Variants in MCCC1 observed in about 807,000 individuals in gnomAD.
The protein encoded by MCCC1 is methylcrotonyl-CoA carboxylase subunit 1.
In MCCC1, 64 loss-of-function variants were observed where a neutral mutation model predicts 83.8. The ratio of observed to expected loss-of-function variants is 0.76; its 90% CI spans 0.62 to 0.94. The LOEUF (loss-of-function observed/expected upper bound fraction) is 0.94, where lower values mean the gene tolerates loss of function less well. Ranked by LOEUF, MCCC1 falls within the 40% of genes least tolerant of loss-of-function variation. The pLI, the probability that MCCC1 is intolerant of heterozygous loss-of-function variation, is 0.00. For missense variants in MCCC1, 807 were observed against 904.7 expected (o/e 0.89, Z 1.39); for synonymous variants, 322 against 315.4 (o/e 1.02, Z -0.22).
chr3:183,095,726 A>G (rs1423438914), intron 1 of MCCC1, among the ~76,000 whole-genome samples: 1 of 152,174 alleles, frequency 6.6e-6, no homozygotes, highest in Non-Finnish European at 1.5e-5. Flanking sequence ...CGGTGGTATC[A>G]TCCCAGTTGA....
chr3:183,031,491 C>CT (rs66507233), intron 14 of MCCC1, among the ~76,000 whole-genome samples: 37,546 of 72,994 alleles, frequency 0.51, 7,638 homozygotes, highest in Middle Eastern at 0.56. Flanking sequence ...CTTCTGGCAC[C>CT]TTTTTTTTTT....
chr3:183,092,498 A>G lies in MCCC1; in HGVS notation c.184T>C (p.Cys62Arg). ...TTTTTGGCTGTGCGCATCACCCTGC[A>G]GGCAATTTCTCCTCTGTTTGCAATG... The part of the protein sequence containing the change: ...VLIANRGEIA[C>R]RVMRTAKKLG... The change falls in exon 3 of 19, where the codon TGC (cysteine) becomes CGC (arginine). Residue 62 changes from cysteine (C) to arginine (R), a missense_variant. By Grantham distance (180) the Cys-to-Arg change is radical. Transcript: ENST00000265594. The G allele has an allele frequency of 6.2e-7, 1 of 1,614,210 alleles. No homozygotes were observed. The highest frequency in any genetic ancestry group is 1.7e-5 in the Admixed American group (1 of 60,010).
chr3:183,083,665 T>C (rs1294919700), intron 4 of MCCC1, among the ~76,000 whole-genome samples: 1 of 152,204 alleles, frequency 6.6e-6, no homozygotes, highest in African/African-American at 2.4e-5. Context: ...GGAATTAGCA[T>C]ATCATACATT....
intron 14 of MCCC1, among the ~76,000 whole-genome samples, chr3:183,028,592 TAAC>T (rs1476816483): frequency 6.6e-6 from 1 of 152,224 alleles, no homozygotes; most frequent in Non-Finnish European, 1.5e-5. Flanking sequence ...TTATCAACAT[TAAC>T]AAGAATTTAG....
intron 3 of MCCC1, among the ~76,000 whole-genome samples, chr3:183,091,882 C>CA (rs776256680): frequency 6.6e-6 from 1 of 151,962 alleles, no homozygotes; most frequent in South Asian, 2.1e-4. Flanking sequence ...ACTAAAAATA[C>CA]AAAAAATTAG....
chr3:183,057,271 A>C, intron 8 of MCCC1, 40 bp downstream of exon 8: 1 of 1,419,498 alleles, frequency 7.0e-7, no homozygotes, highest in Non-Finnish European at 9.8e-7. Flanking sequence ...TAAGATTCAC[A>C]TTACGGAGAA....
chr3:183,045,690 C>G, intron 9 of MCCC1, 150 bp from the exon 10 acceptor site: 1 of 849,374 alleles, frequency 1.2e-6, no homozygotes, highest in Non-Finnish European at 1.9e-6. Flanking sequence ...GCATTTGCAG[C>G]AGCATATGAA....
intron 4 of MCCC1, among the ~76,000 whole-genome samples, chr3:183,078,861 G>A (rs769446164): frequency 8.5e-5 from 13 of 152,190 alleles, no homozygotes; most frequent in Admixed American, 2.0e-4. Flanking sequence ...GGGAGGCCTC[G>A]CAATCATGGC....
upstream of MCCC1, among the ~76,000 whole-genome samples, chr3:183,104,157 C>T (rs888496439): frequency 2.0e-5 from 3 of 152,232 alleles, no homozygotes; most frequent in Non-Finnish European, 4.4e-5. Context: ...GCTGAGGGAG[C>T]CAGCTCCGGC....
At chr3:183,045,666 G>A (rs1714500622) in intron 9 of MCCC1, 126 bp from the exon 10 acceptor site, 1 of 995,634 alleles carries the variant, frequency 1.0e-6, no homozygotes, top group Non-Finnish European at 1.6e-6. Context: ...TGCATTTCAT[G>A]AAGAAAACAT....
At chr3:183,088,204 T>TTG (rs1372182813) in intron 3 of MCCC1, among the ~76,000 whole-genome samples, 1 of 149,050 alleles carries the variant, frequency 6.7e-6, no homozygotes, top group African/African-American at 2.4e-5. Context: ...GTTGTTGTTG[T>TTG]TGTGTGTTTT....
At chr3:183,103,943 G>A (rs573955129), upstream of MCCC1, among the ~76,000 whole-genome samples, 86 of 152,274 alleles carry the variant, frequency 5.6e-4, no homozygotes, top group African/African-American at 1.7e-3. Flanking sequence ...CCGGTGGGCC[G>A]GCACTGCTGG....
rs1577307906 is a variant in MCCC1 at position 183,058,450 on chromosome 3, TA to T, written c.762-1029del. Among the ~76,000 whole-genome samples the T allele has an allele frequency of 2.0e-5, 3 of 151,962 alleles. No homozygotes were observed. In the South Asian group the frequency reaches 6.2e-4, roughly 32 times the overall value. ...GGGCAACATAGTGAGACTCTGTTTC[TA>T]AAAAAAATTTTTTTTTATAAATTAG... On this transcript the variant is annotated intron_variant, in intron 7 of 18. Transcript: ENST00000265594.
rs114421634 is a variant in MCCC1, at chr3:183,059,982, G to T, written c.762-2560C>A. Among the ~76,000 whole-genome samples, 406 of 151,962 alleles carry T rather than the reference G, an allele frequency of 2.7e-3. 1 individual carries two copies. Among genetic ancestry groups the T allele is most frequent in the African/African-American group, 9.2e-3 (381 of 41,412 alleles). ...TATATTTTGGTATTTATTCTTCTTG[G>T]TGTCCTCTGAGTTTCCTGGTTCTGT... On this transcript the variant is annotated intron_variant, in intron 7 of 18. Coordinates refer to ENST00000265594, the MANE Select transcript of MCCC1 (RefSeq NM_020166.5).
intron 11 of MCCC1, among the ~76,000 whole-genome samples, chr3:183,040,343 C>G (rs1713971687): frequency 6.6e-6 from 1 of 151,726 alleles, no homozygotes; most frequent in African/African-American, 2.4e-5. Context: ...TCAAACATAC[C>G]TTTTTCTCTT....
chr3:183,022,731 TTTACA>T, intron 15 of MCCC1, 177 bp from the exon 16 acceptor site: 1 of 582,988 alleles, frequency 1.7e-6, no homozygotes, highest in South Asian at 2.4e-5. Flanking sequence ...ACCAAGATAC[TTTACA>T]TAGAAATGAC....
chr3:183,076,636 T>C (rs1195089963), intron 4 of MCCC1, among the ~76,000 whole-genome samples: 1 of 152,216 alleles, frequency 6.6e-6, no homozygotes, highest in Non-Finnish European at 1.5e-5. Context: ...CTTTAAAGTG[T>C]GTATCCATAT....
upstream of MCCC1, chr3:183,099,569 T>A (rs913568509): frequency 3.6e-6 from 4 of 1,099,906 alleles, no homozygotes; most frequent in Admixed American, 8.6e-5. Flanking sequence ...AGCCTACCTT[T>A]GGGCTGATCC....
upstream of MCCC1, among the ~76,000 whole-genome samples, chr3:183,103,758 C>T (rs1315724134): frequency 2.0e-5 from 3 of 152,220 alleles, no homozygotes; most frequent in Admixed American, 6.5e-5. Flanking sequence ...ACTCCTCAGC[C>T]CTTGGGTGGT....
Sources: allele counts gnomAD v4.1 joint callset (sites outside exome capture counted in the v4.1 genomes callset), GRCh38; gene constraint gnomAD v4.1.1; transcripts MANE v1.5; gene names NCBI Gene and HGNC (gene_info 2026-07-23, HGNC 2026-07-21).